Variants in TTLL5 observed in about 807,000 individuals in gnomAD.
TTLL5 encodes tubulin polyglutamylase TTLL5.
Under a neutral mutation model 168.4 loss-of-function variants are expected in TTLL5, and 132 were observed. The observed-to-expected ratio is 0.78, with a 90% CI of 0.68 to 0.91. The LOEUF (loss-of-function observed/expected upper bound fraction) is 0.91, where lower values mean the gene tolerates loss of function less well. TTLL5 is among the 40% of genes least tolerant of loss of function. TTLL5 has a pLI of 0.00. For missense variants in TTLL5, 1,545 were observed against 1,581.5 expected (o/e 0.98, Z 0.39); for synonymous variants, 546 against 558.6 (o/e 0.98, Z 0.32).
chr14:75,764,587 C>T, intron 18 of TTLL5, 28 bp from the exon 19 acceptor site: 1 of 1,612,286 alleles, frequency 6.2e-7, no homozygotes, highest in Non-Finnish European at 8.5e-7. Flanking sequence ...TTCTGAAGGC[C>T]ATAGCTACCA....
intron 15 of TTLL5, among the ~76,000 whole-genome samples, chr14:75,736,787 G>A (rs976822246): frequency 1.3e-5 from 2 of 152,206 alleles, no homozygotes; most frequent in African/African-American, 4.8e-5. Flanking sequence ...GGAACAGGGT[G>A]TACTGTATTT....
intron 3 of TTLL5, among the ~76,000 whole-genome samples, chr14:75,674,179 A>C (rs1190334615): frequency 6.6e-6 from 1 of 152,194 alleles, no homozygotes; most frequent in Non-Finnish European, 1.5e-5. Flanking sequence ...AAAAGCCACC[A>C]AACTTTTCTC....
At chr14:75,847,850 G>A (rs1423783875) in intron 28 of TTLL5, among the ~76,000 whole-genome samples, 3 of 152,014 alleles carry the variant, frequency 2.0e-5, no homozygotes, top group Admixed American at 6.5e-5. Flanking sequence ...AGTAGGCCTG[G>A]AGTGAGGCTC....
chr14:75,716,918 C>T (rs530413240), intron 9 of TTLL5, among the ~76,000 whole-genome samples: 127 of 152,264 alleles, frequency 8.3e-4, no homozygotes, highest in Middle Eastern at 6.8e-3. Context: ...ATTTCAAATT[C>T]AGGACTAAGT....
At chr14:75,696,397 C>T (rs1294042100) in intron 6 of TTLL5, among the ~76,000 whole-genome samples, 1 of 152,070 alleles carries the variant, frequency 6.6e-6, no homozygotes, top group Non-Finnish European at 1.5e-5. Flanking sequence ...AAATGAGTGA[C>T]ATTTGGAAAG....
intron 12 of TTLL5, among the ~76,000 whole-genome samples, chr14:75,725,136 G>A (rs1888111274): frequency 6.6e-6 from 1 of 152,218 alleles, no homozygotes. Flanking sequence ...ACACCTCTGT[G>A]TTGACGATAC....
intron 12 of TTLL5, among the ~76,000 whole-genome samples, chr14:75,721,150 C>T (rs1940093663): frequency 1.3e-5 from 2 of 152,108 alleles, no homozygotes; most frequent in Admixed American, 6.6e-5. Flanking sequence ...CCTCCCCCTC[C>T]TCTCTTTCTC....
At chr14:75,898,610 C>T (rs2032781369) in intron 30 of TTLL5, among the ~76,000 whole-genome samples, 1 of 152,184 alleles carries the variant, frequency 6.6e-6, no homozygotes, top group African/African-American at 2.4e-5. Context: ...CCACTACACT[C>T]CAGCCTGGGT....
intron 28 of TTLL5, among the ~76,000 whole-genome samples, chr14:75,846,617 C>A (rs952754680): frequency 2.0e-5 from 3 of 151,826 alleles, no homozygotes; most frequent in Non-Finnish European, 4.4e-5. Flanking sequence ...ATGGAGAAAC[C>A]CTGTCTCTAC....
At chr14:75,697,048 A>G (rs1224167769) in intron 6 of TTLL5, among the ~76,000 whole-genome samples, 1 of 152,216 alleles carries the variant, frequency 6.6e-6, no homozygotes, top group Non-Finnish European at 1.5e-5. Context: ...AAAGAAATCA[A>G]AAGAAGAATA....
chr14:75,933,136 T>C (rs1224027088), intron 31 of TTLL5, among the ~76,000 whole-genome samples: 4 of 152,172 alleles, frequency 2.6e-5, no homozygotes, highest in African/African-American at 9.7e-5. Context: ...ACATAACAAA[T>C]TTTACCTGAA....
chr14:75,720,769 A>G, intron 12 of TTLL5, 66 bp downstream of exon 12: 1 of 1,288,134 alleles, frequency 7.8e-7, no homozygotes. Flanking sequence ...ACGGGATTTT[A>G]GGGTAGAGAG....
At chr14:75,807,935 T>C (rs1893753183) in intron 27 of TTLL5, among the ~76,000 whole-genome samples, 1 of 152,224 alleles carries the variant, frequency 6.6e-6, no homozygotes, top group Non-Finnish European at 1.5e-5. Flanking sequence ...TGTGGCTCTG[T>C]TGAGAATTAT....
chr14:75,751,757 C>A (rs772399848), intron 17 of TTLL5, among the ~76,000 whole-genome samples: 8 of 152,088 alleles, frequency 5.3e-5, no homozygotes, highest in Non-Finnish European at 1.0e-4. Flanking sequence ...GGAAAGGGAT[C>A]CCGATCCAGA....
intron 7 of TTLL5, among the ~76,000 whole-genome samples, chr14:75,700,519 G>A (rs1886193265): frequency 6.6e-6 from 1 of 152,104 alleles, no homozygotes; most frequent in Non-Finnish European, 1.5e-5. Flanking sequence ...CTCAAGTGCT[G>A]GCAGGCCACT....
At chr14:75,927,562 A>G (rs2034117481) in intron 31 of TTLL5, among the ~76,000 whole-genome samples, 1 of 152,216 alleles carries the variant, frequency 6.6e-6, no homozygotes, top group Non-Finnish European at 1.5e-5. Context: ...ATCAATACGT[A>G]TTTAGTGTGT....
At chr14:75,913,378 T>C (rs898776593) in intron 31 of TTLL5, among the ~76,000 whole-genome samples, 2 of 152,122 alleles carry the variant, frequency 1.3e-5, no homozygotes, top group African/African-American at 4.8e-5. Context: ...TTGACTCTGC[T>C]CTTTAGAACT....
intron 17 of TTLL5, among the ~76,000 whole-genome samples, chr14:75,751,131 A>G (rs1049158565): frequency 2.6e-5 from 4 of 152,258 alleles, no homozygotes; most frequent in African/African-American, 9.6e-5. Context: ...TCACTTGCTC[A>G]CGTCTTCCAC....
At chr14:75,715,740 C>G (rs1438002808) in intron 9 of TTLL5, among the ~76,000 whole-genome samples, 1 of 151,700 alleles carries the variant, frequency 6.6e-6, no homozygotes, top group Non-Finnish European at 1.5e-5. Context: ...TATTAGAAAT[C>G]TTATCCTTGC....
Sources: gnomAD v4.1 joint callset for allele counts (sites outside exome capture counted in the v4.1 genomes callset) on GRCh38, gnomAD v4.1.1 for gene constraint, MANE v1.5 for transcripts, NCBI Gene and HGNC (gene_info 2026-07-23, HGNC 2026-07-21) for gene names.